The following NRXN1 variants were observed in gnomAD, a reference collection of about 807,000 sequenced individuals.
NRXN1 encodes neurexin-1.
In NRXN1, 39 loss-of-function variants were observed where a neutral mutation model predicts 150.9. That is an observed-to-expected ratio of 0.26 (90% confidence interval 0.20 to 0.34). The LOEUF (loss-of-function observed/expected upper bound fraction) is 0.34. Ranked by LOEUF, NRXN1 falls within the 10% of genes least tolerant of loss-of-function variation. The probability of loss-of-function intolerance (pLI) is 1.00; values close to 1 mark genes in which losing one functional copy is unlikely to be tolerated. For missense variants in NRXN1, 1,815 were observed against 1,949.9 expected, an observed-to-expected ratio of 0.93 and a Z score of 1.30; for synonymous variants, 924 against 757.0, an observed-to-expected ratio of 1.22 and a Z score of -3.62.
intron 8 of NRXN1, among the ~76,000 whole-genome samples, chr2:50,585,645 G>T (rs1365024253): frequency 1.3e-5 from 2 of 152,024 alleles, no homozygotes; most frequent in Admixed American, 6.6e-5. Flanking sequence ...ATAAATAGAG[G>T]CTATTGAAAA....
chr2:50,076,525 G>C (rs1697127277), intron 19 of NRXN1, among the ~76,000 whole-genome samples: 1 of 152,116 alleles, frequency 6.6e-6, no homozygotes, highest in Admixed American at 6.6e-5. Context: ...AGGAAAATGA[G>C]ATTAAAGAAC....
chr2:50,121,015 A>G (rs1391941883), intron 18 of NRXN1, among the ~76,000 whole-genome samples: 1 of 152,152 alleles, frequency 6.6e-6, no homozygotes, highest in Non-Finnish European at 1.5e-5. Flanking sequence ...CACTTTAGTT[A>G]TCTCGTCTGT....
intron 5 of NRXN1, chr2:50,632,278 T>C (rs565862169): frequency 2.0e-5 from 3 of 152,136 alleles, no homozygotes; most frequent in African/African-American, 7.2e-5. Flanking sequence ...TATAATTTAA[T>C]TTATGCAAAT....
intron 5 of NRXN1, among the ~76,000 whole-genome samples, chr2:50,769,034 A>G (rs1702691485): frequency 6.6e-6 from 1 of 152,100 alleles, no homozygotes; most frequent in South Asian, 2.1e-4. Flanking sequence ...GAAAGTAGCA[A>G]GTGTTAACAC....
intron 12 of NRXN1, among the ~76,000 whole-genome samples, chr2:50,507,231 T>G (rs1011979632): frequency 1.3e-5 from 2 of 152,136 alleles, no homozygotes; most frequent in Non-Finnish European, 2.9e-5. Context: ...ATTTATGGAA[T>G]GTTGAGTCTA....
At chr2:50,561,854 C>G (rs777229342) in intron 8 of NRXN1, among the ~76,000 whole-genome samples, 15 of 152,288 alleles carry the variant, frequency 9.8e-5, no homozygotes, top group Middle Eastern at 3.4e-3. Flanking sequence ...GCAATGTTCA[C>G]TACTATTTTA....
Position 50,127,353 on chromosome 2 carries a change from A to G in NRXN1, c.3547-35859T>C, listed in dbSNP as rs534829076. Among the ~76,000 whole-genome samples the G allele has an allele frequency of 1.9e-4, 29 of 152,340 alleles. 1 individual carries two copies. The South Asian group carries it at 6.0e-3, about 32-fold the overall frequency. On this transcript the variant is annotated intron_variant, in intron 18 of 22. Coordinates refer to ENST00000401669, the MANE Select transcript of NRXN1 (RefSeq NM_001330078.2). ...AACTCAAAGTATTAGTACATAAATC[A>G]TATATAATCTAAAATTTTTAAAAAC...
intron 5 of NRXN1, among the ~76,000 whole-genome samples, chr2:50,883,972 A>G (rs972698484): frequency 8.6e-5 from 13 of 151,932 alleles, no homozygotes; most frequent in African/African-American, 2.9e-4. Flanking sequence ...GGAGCTAGAA[A>G]TATTCTGCTT....
In NRXN1 at chr2:50,538,276, T is replaced by C; in HGVS notation, c.2120A>G (p.Tyr707Cys). The change falls in exon 10 of 23, where the codon TAT becomes TGT. Residue 707 changes from tyrosine (Y) to cysteine (C), a missense_variant. Physicochemically the swap from Tyr to Cys is radical, Grantham distance 194. Transcript: ENST00000401669. The stretch of plus-strand genomic sequence containing the variant: ...ACCTCTCTCACAGGACCTGCCAAGA[T>C]AGCCTGTTCCGGAACAATCACAGAC... ...RYVCDCSGTG[Y>C]LGRSCEREAT... 1 of 1,612,488 alleles carries C rather than the reference T, an allele frequency of 6.2e-7. No homozygotes were observed. The highest frequency in any genetic ancestry group is 8.5e-7 in the Non-Finnish European group (1 of 1,178,660).
chr2:50,938,399 T>C (rs764236606), intron 2 of NRXN1, among the ~76,000 whole-genome samples: 1 of 152,176 alleles, frequency 6.6e-6, no homozygotes, highest in Non-Finnish European at 1.5e-5. Context: ...ATTGTCAATA[T>C]CACTATCAGT....
Position 49,919,367 on chromosome 2 carries a change from T to G in NRXN1, c.*2577A>C, listed in dbSNP as rs1002631307. 6.6e-6 allele frequency: 1 copy of G among 152,118 alleles called. No individual in the cohort carries two copies. The highest frequency in any genetic ancestry group is 1.5e-5 in the Non-Finnish European group (1 of 67,972). 9.4% of individuals were successfully genotyped at this position (152,118 alleles called of 1,614,324 possible). A position where few individuals can be genotyped will look rare whatever the true frequency, so the allele number is the denominator to read the frequency against. On this transcript the variant is annotated 3_prime_UTR_variant, in exon 23 of 23. Transcript: ENST00000401669. ...ATATTAGAAATAATTTTGCTGATAA[T>G]AAACTATATCAATCATTGCATGTAA...
At chr2:50,514,931 T>G (rs1174596147) in intron 12 of NRXN1, among the ~76,000 whole-genome samples, 1 of 152,226 alleles carries the variant, frequency 6.6e-6, no homozygotes, top group Admixed American at 6.5e-5. Context: ...TTACTGCTGT[T>G]TGTTTTCTTA....
At chr2:50,020,443 C>A (rs1251295771) in intron 21 of NRXN1, among the ~76,000 whole-genome samples, 1 of 152,140 alleles carries the variant, frequency 6.6e-6, no homozygotes, top group Non-Finnish European at 1.5e-5. Context: ...AAACATAATT[C>A]TTTATCTTTA....
At chr2:50,027,117 C>T (rs1688455679) in intron 21 of NRXN1, among the ~76,000 whole-genome samples, 1 of 151,932 alleles carries the variant, frequency 6.6e-6, no homozygotes, top group African/African-American at 2.4e-5. Flanking sequence ...CTCCTGACCT[C>T]ATGATCCACC....
At chr2:50,711,872 C>G (rs929713178) in intron 5 of NRXN1, among the ~76,000 whole-genome samples, 2 of 152,044 alleles carry the variant, frequency 1.3e-5, no homozygotes, top group Non-Finnish European at 2.9e-5. Flanking sequence ...AACATTCATG[C>G]CCTTCCACTG....
At chr2:50,252,957 G>A (rs913996397) in intron 17 of NRXN1, among the ~76,000 whole-genome samples, 1 of 152,110 alleles carries the variant, frequency 6.6e-6, no homozygotes, top group Non-Finnish European at 1.5e-5. Flanking sequence ...GAATGTCAAT[G>A]GTAGTTTAAT....
chr2:50,101,232 T>A (rs1206573747), intron 18 of NRXN1, among the ~76,000 whole-genome samples: 2 of 152,080 alleles, frequency 1.3e-5, no homozygotes, highest in African/African-American at 4.8e-5. Flanking sequence ...AGGTGCTGAT[T>A]AAAACCACAA....
At chr2:50,372,410 C>T (rs1313539317) in intron 17 of NRXN1, among the ~76,000 whole-genome samples, 5 of 151,944 alleles carry the variant, frequency 3.3e-5, no homozygotes, top group Admixed American at 1.3e-4. Context: ...ATGCAGCTGG[C>T]CATTCAGACC....
chr2:50,595,800 A>G (rs533432550), intron 8 of NRXN1, among the ~76,000 whole-genome samples: 5 of 152,322 alleles, frequency 3.3e-5, no homozygotes, highest in East Asian at 1.9e-4. Context: ...ATTATTATCT[A>G]TGTTCCTTAA....
Sources: allele counts gnomAD v4.1 joint callset (sites outside exome capture counted in the v4.1 genomes callset), GRCh38; gene constraint gnomAD v4.1.1; transcripts MANE v1.5; gene names NCBI Gene and HGNC (gene_info 2026-07-23, HGNC 2026-07-21).